Variants in MAPK8 observed in about 807,000 individuals in gnomAD.
MAPK8 encodes the protein JUN N-terminal kinase.
In MAPK8, 13 loss-of-function variants were observed where a neutral mutation model predicts 52.9. That is an observed-to-expected ratio of 0.25 (90% CI 0.16 to 0.39). The LOEUF is 0.39. Ranked by LOEUF, MAPK8 falls within the 10% of genes least tolerant of loss-of-function variation. MAPK8 has a pLI of 1.00. For missense variants in MAPK8, 300 were observed against 519.2 expected, an observed-to-expected ratio of 0.58 and a Z score of 4.10; for synonymous variants, 191 against 169.8, an observed-to-expected ratio of 1.12 and a Z score of -0.97.
intron 1 of MAPK8, among the ~76,000 whole-genome samples, chr10:48,334,971 T>C (rs539802146): frequency 6.6e-6 from 1 of 152,256 alleles, no homozygotes; most frequent in Admixed American, 6.5e-5. Context: ...CCTTATAAGG[T>C]TATACCCCAG....
chr10:48,399,530 TC>T (rs1252637055), intron 1 of MAPK8, among the ~76,000 whole-genome samples: 1 of 152,188 alleles, frequency 6.6e-6, no homozygotes, highest in African/African-American at 2.4e-5. Context: ...TGAATCCCAC[TC>T]CTGTGGCCGG....
chr10:48,381,368 CT>C (rs2040993764), intron 1 of MAPK8, among the ~76,000 whole-genome samples: 1 of 152,148 alleles, frequency 6.6e-6, no homozygotes, highest in Non-Finnish European at 1.5e-5. Flanking sequence ...ACCCTCCTCT[CT>C]TTTTTATAAC....
intron 3 of MAPK8, 84 bp from the exon 4 acceptor site, chr10:48,409,795 T>C: frequency 6.6e-6 from 6 of 907,100 alleles, no homozygotes; most frequent in Middle Eastern, 3.4e-4. Context: ...ATGGTAGTTT[T>C]TTTTAACTCA....
At chr10:48,350,331 G>A (rs1188670147) in intron 1 of MAPK8, among the ~76,000 whole-genome samples, 1 of 152,060 alleles carries the variant, frequency 6.6e-6, no homozygotes, top group African/African-American at 2.4e-5. Flanking sequence ...AAAATTTCAG[G>A]CCAATATCCC....
At chr10:48,384,785 C>G (rs532602207) in intron 1 of MAPK8, among the ~76,000 whole-genome samples, 55 of 152,302 alleles carry the variant, frequency 3.6e-4, no homozygotes, top group Middle Eastern at 3.4e-3. Flanking sequence ...GGCCAGGTGC[C>G]AAGTCCAGGA....
rs556055468 is a variant in MAPK8 at position 48,374,120 on chromosome 10, T to C, written c.-49-27492T>C. Among the ~76,000 whole-genome samples the C allele has an allele frequency of 2.0e-5, 3 of 152,312 alleles. No homozygotes were observed. In the South Asian group the frequency reaches 6.2e-4, roughly 32 times the overall value. On this transcript the variant is annotated intron_variant, in intron 1 of 11. Transcript: ENST00000374189. ...CAAAAACGCACAACTACATGGAAAC[T>C]GAGCAACCTGCTCCTGAATGACTAC...
At chr10:48,339,974 C>T (rs1174135172) in intron 1 of MAPK8, among the ~76,000 whole-genome samples, 1 of 152,124 alleles carries the variant, frequency 6.6e-6, no homozygotes, top group Non-Finnish European at 1.5e-5. Flanking sequence ...AGTACAACCC[C>T]TATGGAAAAC....
chr10:48,350,570 C>T (rs1846214688), intron 1 of MAPK8, among the ~76,000 whole-genome samples: 1 of 152,080 alleles, frequency 6.6e-6, no homozygotes, highest in African/African-American at 2.4e-5. Context: ...ATTCAATAGC[C>T]CCTCATGCTA....
At chr10:48,327,342 C>T (rs1843636505) in intron 1 of MAPK8, among the ~76,000 whole-genome samples, 1 of 152,070 alleles carries the variant, frequency 6.6e-6, no homozygotes, top group African/African-American at 2.4e-5. Context: ...TTGATATGAC[C>T]ATTTGATTTA....
intron 3 of MAPK8, among the ~76,000 whole-genome samples, chr10:48,408,412 ATTAAG>A (rs1324759656): frequency 3.3e-5 from 5 of 152,238 alleles, no homozygotes; most frequent in Non-Finnish European, 5.9e-5. Flanking sequence ...CTGGAAGATA[ATTAAG>A]TTGAGTAGAT....
At position 48,373,571 on chromosome 10, in the gene MAPK8, C is replaced by CAAAAAAAAAAAAAAAAAAAAAAAAAAA. The variant is rs539162576; in HGVS notation, c.-49-28040_-49-28014dup. Among the ~76,000 whole-genome samples the CAAAAAAAAAAAAAAAAAAAAAAAAAAA allele has an allele frequency of 1.8e-3, 31 of 16,844 alleles. 12 individuals carry two copies. Among genetic ancestry groups the CAAAAAAAAAAAAAAAAAAAAAAAAAAA allele is most frequent in the African/African-American group, 4.2e-3 (27 of 6,370 alleles). 11.1% of individuals were successfully genotyped at this position (16,844 alleles called of 152,430 possible). On this transcript the variant is annotated intron_variant, in intron 1 of 11. Transcript: ENST00000374189. ...GAAGATTTACCAAGTAAATTGAAAGCAAAAAAAAAAAAAAAAAAAAAAAAA... is the reference window on the plus strand; with the variant it reads ...GAAGATTTACCAAGTAAATTGAAAGCAAAAAAAAAAAAAAAAAAAAAAAAAAAAAAAAAAAAAAAAAAAAAAAAAAAA...
chr10:48,422,949 G>C (rs1444067531), intron 6 of MAPK8, among the ~76,000 whole-genome samples: 1 of 152,140 alleles, frequency 6.6e-6, no homozygotes, highest in Admixed American at 6.5e-5. Flanking sequence ...TAAAGGGCAC[G>C]TGTCTTTCTG....
intron 3 of MAPK8, among the ~76,000 whole-genome samples, chr10:48,409,011 C>T (rs2042608463): frequency 6.6e-6 from 1 of 152,172 alleles, no homozygotes; most frequent in Non-Finnish European, 1.5e-5. Context: ...CCTAATCTAA[C>T]CCTTATTACC....
At chr10:48,321,397 T>C (rs899961125) in intron 1 of MAPK8, among the ~76,000 whole-genome samples, 2 of 152,230 alleles carry the variant, frequency 1.3e-5, no homozygotes, top group Non-Finnish European at 2.9e-5. Flanking sequence ...AAGAGTTCTT[T>C]ATATATTATA....
In MAPK8 at chr10:48,404,866, C is replaced by T. The variant is rs779657933; in HGVS notation, c.137C>T (p.Ala46Val). The change falls in exon 3 of 12, where the codon GCC becomes GTC. Residue 46 changes from alanine (A) to valine (V), a missense_variant. Ala to Val is a moderately conservative substitution (Grantham distance 64). Transcript: ENST00000374189. ...TCTTATTACAGCGCAGCTTATGATGCCATTCTTGAAAGAAATGTTGCAATC... is the reference window on the plus strand; with the variant it reads ...TCTTATTACAGCGCAGCTTATGATGTCATTCTTGAAAGAAATGTTGCAATC... ...AQGIVCAAYD[A>V]ILERNVAIKK... The T allele has an allele frequency of 1.9e-6, 3 of 1,600,124 alleles. No individual in the cohort carries two copies. The highest frequency in any genetic ancestry group is 2.6e-6 in the Non-Finnish European group (3 of 1,174,494).
intron 2 of MAPK8, among the ~76,000 whole-genome samples, chr10:48,403,955 G>GTGTGTA (rs2042308604): frequency 6.7e-6 from 1 of 150,068 alleles, no homozygotes; most frequent in Non-Finnish European, 1.5e-5. Flanking sequence ...GTGTGTGTGT[G>GTGTGTA]TGTATTTTTA....
At chr10:48,412,930 C>T (rs562572719) in intron 5 of MAPK8, among the ~76,000 whole-genome samples, 1 of 152,232 alleles carries the variant, frequency 6.6e-6, no homozygotes, top group South Asian at 2.1e-4. Flanking sequence ...CTCCACCCAC[C>T]AGACAGTAAT....
At chr10:48,432,172 T>G (rs1423331248) in intron 11 of MAPK8, among the ~76,000 whole-genome samples, 1 of 152,212 alleles carries the variant, frequency 6.6e-6, no homozygotes, top group Non-Finnish European at 1.5e-5. Context: ...GTGAGTAGTA[T>G]TTCAAAAGAT....
At chr10:48,330,312 A>T (rs1196910747) in intron 1 of MAPK8, among the ~76,000 whole-genome samples, 2 of 152,204 alleles carry the variant, frequency 1.3e-5, no homozygotes, top group Admixed American at 6.5e-5. Context: ...TTTAAACTTT[A>T]ACTTAATAGG....
Sources: gnomAD v4.1 joint callset for allele counts (sites outside exome capture counted in the v4.1 genomes callset) on GRCh38, gnomAD v4.1.1 for gene constraint, MANE v1.5 for transcripts, NCBI Gene and HGNC (gene_info 2026-07-23, HGNC 2026-07-21) for gene names.